Variants in RAP1GAP observed in about 807,000 individuals in gnomAD.
The protein encoded by RAP1GAP is RAP1 GTPase activating protein, also known as rap1 GTPase-activating protein 1.
Under a neutral mutation model 87.2 loss-of-function variants are expected in RAP1GAP, and 35 were observed. The ratio of observed to expected loss-of-function variants is 0.40; its 90% CI spans 0.31 to 0.53. The LOEUF (loss-of-function observed/expected upper bound fraction) is 0.53, where lower values mean the gene tolerates loss of function less well. Among genes scored for constraint, RAP1GAP ranks in the 20% least tolerant of loss-of-function variants. The probability of loss-of-function intolerance (pLI) is 0.48; values close to 1 mark genes in which losing one functional copy is unlikely to be tolerated. For synonymous variants in RAP1GAP, 375 were observed against 363.9 expected, an observed-to-expected ratio of 1.03 and a Z score of -0.35; for missense variants, 734 against 898.9, an observed-to-expected ratio of 0.82 and a Z score of 2.35.
chr1:21,654,797 A>C (rs2096791588), intron 1 of RAP1GAP, among the ~76,000 whole-genome samples: 1 of 151,678 alleles, frequency 6.6e-6, no homozygotes, highest in Non-Finnish European at 1.5e-5. Flanking sequence ...GCACCACTGC[A>C]CTCCAGCCTG....
rs1266004826 is a variant in RAP1GAP, at chr1:21,668,136, C to G, written c.-149+1118G>C. Reference sequence around the variant, plus strand: ...AGTGCCCCAACCATAGCGTTTTCCCCCAAACACCCTCAGGAAGGAGGGACC... The same window carrying G: ...AGTGCCCCAACCATAGCGTTTTCCCGCAAACACCCTCAGGAAGGAGGGACC... On this transcript the variant is annotated intron_variant, in intron 1 of 24. Coordinates refer to ENST00000374765, the MANE Select transcript of RAP1GAP (RefSeq NM_002885.4). This position sits in a 1 kb window ranked among gnomAD's most constrained non-coding sequence, Gnocchi z 6.2. Among the ~76,000 whole-genome samples, 3 of 152,214 alleles carry G rather than the reference C, an allele frequency of 2.0e-5. No individual in the cohort carries two copies. The highest frequency in any genetic ancestry group is 4.4e-5 in the Non-Finnish European group (3 of 68,034).
chr1:21,600,258 G>A (rs911853543), intron 20 of RAP1GAP, among the ~76,000 whole-genome samples: 4 of 152,174 alleles, frequency 2.6e-5, no homozygotes, highest in African/African-American at 7.2e-5. Flanking sequence ...CGCTCCAGGA[G>A]TCCTTCCCTG....
chr1:21,613,638 T>C lies in RAP1GAP; in HGVS notation c.464A>G (p.Gln155Arg), dbSNP rs1279420405. Reference protein sequence around the residue: ...SCLTEFPNVVQMAKLVCEDVN... With the variant: ...SCLTEFPNVVRMAKLVCEDVN... ...GAGCGGAGACCTCACCTTTGCCATC[T>C]GGACAACATTAGGGAACTCGGTGAG... is the stretch of plus-strand genomic sequence containing the variant. Residue 155 changes from glutamine (Q) to arginine (R), a missense_variant, in exon 9 of 25, where the codon CAG becomes CGG. Gln to Arg is a conservative substitution (Grantham distance 43). Coordinates refer to ENST00000374765, the MANE Select transcript of RAP1GAP (RefSeq NM_002885.4). The surrounding 1 kb of genome is among the most constrained non-coding windows in gnomAD (Gnocchi z 4.7). The C allele has an allele frequency of 6.2e-7, 1 of 1,613,100 alleles. No individual in the cohort carries two copies. Among genetic ancestry groups the C allele is most frequent in the South Asian group, 1.1e-5 (1 of 91,060 alleles).
chr1:21,607,207 G>C (rs1181512301), intron 17 of RAP1GAP, among the ~76,000 whole-genome samples: 1 of 152,206 alleles, frequency 6.6e-6, no homozygotes, highest in Non-Finnish European at 1.5e-5. Context: ...CCTGTGGCCT[G>C]AGTGAGTCCA....
intron 7 of RAP1GAP, 41 bp from the exon 8 acceptor site, chr1:21,614,130 A>C (rs774247501): frequency 6.5e-6 from 9 of 1,392,236 alleles, no homozygotes; most frequent in Non-Finnish European, 9.0e-6. Context: ...GGTGAGGCTG[A>C]GCATGGGGCT....
Position 21,598,382 on chromosome 1 carries a change from G to T in RAP1GAP, c.1879+18C>A. Reference sequence around the variant, plus strand: ...CAAGGTAGCCCTGCTTTGTGGGGAAGCTGCCTTGTCCTGGTACCTGGGGAG... The same window carrying T: ...CAAGGTAGCCCTGCTTTGTGGGGAATCTGCCTTGTCCTGGTACCTGGGGAG... On this transcript the variant is annotated intron_variant, in intron 22 of 24. Transcript: ENST00000374765. The T allele has an allele frequency of 6.3e-7, 1 of 1,594,572 alleles. No individual in the cohort carries two copies. The highest frequency in any genetic ancestry group is 1.1e-5 in the South Asian group (1 of 90,674).
At chr1:21,660,548 G>T (rs1428406929) in intron 1 of RAP1GAP, among the ~76,000 whole-genome samples, 1 of 151,436 alleles carries the variant, frequency 6.6e-6, no homozygotes, top group Non-Finnish European at 1.5e-5. Context: ...TGGCCAGGCT[G>T]GTCTTCAACT....
At chr1:21,646,022 G>A (rs991409174) in intron 2 of RAP1GAP, among the ~76,000 whole-genome samples, 4 of 152,200 alleles carry the variant, frequency 2.6e-5, no homozygotes, top group African/African-American at 9.6e-5. Flanking sequence ...CATGCCCCTG[G>A]GCCACCACTT....
intron 3 of RAP1GAP, among the ~76,000 whole-genome samples, chr1:21,621,322 A>C (rs1259872491): frequency 6.6e-6 from 1 of 152,132 alleles, no homozygotes; most frequent in East Asian, 1.9e-4. Flanking sequence ...TCACATAACA[A>C]CAGTAAATGA....
chr1:21,637,770 T>C (rs1205438244), intron 2 of RAP1GAP, among the ~76,000 whole-genome samples: 2 of 152,104 alleles, frequency 1.3e-5, no homozygotes, highest in African/African-American at 2.4e-5. Context: ...TTGAGGCATA[T>C]TGTTAAGTGA....
At chr1:21,659,209 A>G (rs1417661883) in intron 1 of RAP1GAP, among the ~76,000 whole-genome samples, 1 of 152,052 alleles carries the variant, frequency 6.6e-6, no homozygotes, top group Non-Finnish European at 1.5e-5. Flanking sequence ...CCGGCCGAAG[A>G]ACGCTTTTTA....
rs1024056898 is a variant in RAP1GAP at position 21,668,389 on chromosome 1, G to A, written c.-149+865C>T. The stretch of plus-strand genomic sequence containing the variant: ...ATGGAGCCCGGGGACAGAGGCCAAT[G>A]AGCCCTGAGAACAGTGGATGTTCTT... On this transcript the variant is annotated intron_variant, in intron 1 of 24. Transcript: ENST00000374765. The surrounding 1 kb of genome is among the most constrained non-coding windows in gnomAD (Gnocchi z 6.2). 1 of 152,452 alleles carries A rather than the reference G, an allele frequency of 6.6e-6. No individual in the cohort carries two copies. The highest frequency in any genetic ancestry group is 2.4e-5 in the African/African-American group (1 of 41,422). 9.4% of individuals were successfully genotyped at this position (152,452 alleles called of 1,614,324 possible).
chr1:21,604,030 G>A, intron 18 of RAP1GAP: 3 of 813,690 alleles, frequency 3.7e-6, no homozygotes, highest in Non-Finnish European at 5.7e-6. Context: ...GAGGAAGACA[G>A]ACAGAAAAAG....
chr1:21,620,120 C>T lies in RAP1GAP; in HGVS notation c.-18-70G>A, dbSNP rs188271324. On this transcript the variant is annotated intron_variant, in intron 3 of 24. Coordinates refer to ENST00000374765, the MANE Select transcript of RAP1GAP (RefSeq NM_002885.4). ...GCCCCAGAGGAGTCTCCACCCGCCC[C>T]GGCCCTCCGGGTCCCACCAGCTCTG... 522 of 1,566,090 alleles carry T rather than the reference C, an allele frequency of 3.3e-4. 3 individuals carry two copies. In the African/African-American group the frequency reaches 5.5e-3, roughly 17 times the overall value.
At position 21,601,810 on chromosome 1, in the gene RAP1GAP, CG is replaced by C; in HGVS notation, c.1539-14del. ...CGGAGGGCTCTCCCTGCGGGGCACA[CG>C]GGGGCAGCGGGGGGATTCAGCACCA... On this transcript the variant is annotated splice_polypyrimidine_tract_variant and intron_variant, in intron 19 of 24. Transcript: ENST00000374765. The C allele has an allele frequency of 6.5e-6, 10 of 1,548,968 alleles. No individual in the cohort carries two copies. The highest frequency in any genetic ancestry group is 2.3e-5 in the East Asian group (1 of 44,200).
chr1:21,624,462 C>T (rs911723179), intron 3 of RAP1GAP, among the ~76,000 whole-genome samples: 4 of 152,176 alleles, frequency 2.6e-5, no homozygotes, highest in Non-Finnish European at 4.4e-5. Flanking sequence ...GTCACCTGCC[C>T]TTCAGATGGA....
At chr1:21,645,628 G>A (rs1228265157) in intron 2 of RAP1GAP, among the ~76,000 whole-genome samples, 1 of 152,236 alleles carries the variant, frequency 6.6e-6, no homozygotes, top group Non-Finnish European at 1.5e-5. Context: ...GAGGCAGGAG[G>A]CCTTGGCATT....
chr1:21,638,335 T>TG (rs1170537576), intron 2 of RAP1GAP, among the ~76,000 whole-genome samples: 1 of 151,692 alleles, frequency 6.6e-6, no homozygotes, highest in African/African-American at 2.4e-5. Context: ...CGCATGCTTG[T>TG]AATCCCAGCT....
chr1:21,635,648 T>A (rs1195742642), intron 2 of RAP1GAP, among the ~76,000 whole-genome samples: 1 of 152,214 alleles, frequency 6.6e-6, no homozygotes, highest in Non-Finnish European at 1.5e-5. Flanking sequence ...GGTTGCTGCC[T>A]CATAGGCTCC....
Sources: allele counts gnomAD v4.1 joint callset (sites outside exome capture counted in the v4.1 genomes callset), GRCh38; gene constraint gnomAD v4.1.1; non-coding constraint Gnocchi (gnomAD v3.1); transcripts MANE v1.5; gene names NCBI Gene and HGNC (gene_info 2026-07-23, HGNC 2026-07-21).